TMEM63C: variants seen among roughly 807,000 people sequenced by gnomAD.
TMEM63C encodes the protein osmosensitive cation channel TMEM63C.
TMEM63C carries 32 observed loss-of-function variants against 99.2 expected under a neutral mutation model. The ratio of observed to expected loss-of-function variants is 0.32; its 90% confidence interval spans 0.24 to 0.43. TMEM63C has a LOEUF of 0.43. Ranked by LOEUF, TMEM63C falls within the 20% of genes least tolerant of loss-of-function variation. The pLI, the probability that TMEM63C is intolerant of heterozygous loss-of-function variation, is 1.00. For missense variants in TMEM63C, 826 were observed against 1,053.0 expected, an observed-to-expected ratio of 0.78 and a Z score of 2.98; for synonymous variants, 376 against 397.9, an observed-to-expected ratio of 0.94 and a Z score of 0.66.
chr14:77,191,145 A>T (rs1257644847), intron 1 of TMEM63C, among the ~76,000 whole-genome samples: 1 of 152,342 alleles, frequency 6.6e-6, no homozygotes, highest in East Asian at 1.9e-4. Flanking sequence ...AATAACCAGT[A>T]CTAAGTCTAA....
intron 1 of TMEM63C, among the ~76,000 whole-genome samples, chr14:77,183,900 T>C (rs955948158): frequency 6.6e-6 from 1 of 151,992 alleles, no homozygotes; most frequent in East Asian, 1.9e-4. Flanking sequence ...AACCACATGG[T>C]ATGTGTCCCT....
chr14:77,204,876 G>A (rs1199137351), intron 1 of TMEM63C, among the ~76,000 whole-genome samples: 2 of 152,206 alleles, frequency 1.3e-5, no homozygotes, highest in African/African-American at 4.8e-5. Flanking sequence ...AAGACATGGG[G>A]CTAGTAAGTA....
At chr14:77,248,202 G>A (rs1889296120) in intron 18 of TMEM63C, 145 bp from the exon 19 acceptor site, 3 of 713,078 alleles carry the variant, frequency 4.2e-6, no homozygotes, top group Non-Finnish European at 4.6e-6. Context: ...AAAAGAAAGA[G>A]AGGAAATGTT....
chr14:77,256,360 A>G (rs1691242720), intron 23 of TMEM63C, among the ~76,000 whole-genome samples, 166 bp from the exon 24 acceptor site: 1 of 152,200 alleles, frequency 6.6e-6, no homozygotes, highest in Non-Finnish European at 1.5e-5. Flanking sequence ...ATCAAGAACA[A>G]TTAGGTGGGT....
At chr14:77,217,216 C>A (rs1374547048) in intron 2 of TMEM63C, among the ~76,000 whole-genome samples, 5 of 152,154 alleles carry the variant, frequency 3.3e-5, no homozygotes, top group African/African-American at 1.2e-4. Context: ...CCCTGTGCAG[C>A]CCACTGGTCT....
intron 6 of TMEM63C, among the ~76,000 whole-genome samples, chr14:77,230,991 G>A (rs2140118192): frequency 6.6e-6 from 1 of 152,306 alleles, no homozygotes; most frequent in East Asian, 1.9e-4. Flanking sequence ...GAATTGCTGG[G>A]TCATAGAATG....
intron 1 of TMEM63C, among the ~76,000 whole-genome samples, chr14:77,186,082 G>T (rs1381646517): frequency 6.6e-6 from 1 of 151,918 alleles, no homozygotes; most frequent in Non-Finnish European, 1.5e-5. Context: ...CACTATCTCG[G>T]CTCACTGCAA....
intron 1 of TMEM63C, among the ~76,000 whole-genome samples, chr14:77,200,680 T>C (rs1430654258): frequency 6.6e-6 from 1 of 152,256 alleles, no homozygotes; most frequent in Non-Finnish European, 1.5e-5. Flanking sequence ...CCAGGGGACC[T>C]GAACTAGGCT....
At position 77,225,321 on chromosome 14, in the gene TMEM63C, G is replaced by A. The variant is rs745789410; in HGVS notation, c.313-103G>A. 1.0e-4 allele frequency: 104 copies of A among 1,014,666 alleles called. 1 individual carries two copies. The highest frequency in any genetic ancestry group is 8.2e-4 in the South Asian group (48 of 58,334). 62.9% of individuals were successfully genotyped at this position (1,014,666 alleles called of 1,614,324 possible). On this transcript the variant is annotated intron_variant, in intron 5 of 23. Transcript: ENST00000298351. Reference sequence around the variant, plus strand: ...TTTTCCCAGGAAGGAGGCCCCGGACGCTGCCGCGGCTGCCTCAGATGACCT... The same window carrying A: ...TTTTCCCAGGAAGGAGGCCCCGGACACTGCCGCGGCTGCCTCAGATGACCT...
chr14:77,259,317 C>G lies in TMEM63C; in HGVS notation c.*2591C>G, dbSNP rs1400007209. The G allele has an allele frequency of 1.3e-5, 2 of 152,572 alleles. No individual in the cohort carries two copies. The highest frequency in any genetic ancestry group is 2.4e-5 in the African/African-American group (1 of 41,474). 9.5% of individuals were successfully genotyped at this position (152,572 alleles called of 1,614,324 possible). On this transcript the variant is annotated 3_prime_UTR_variant, in exon 24 of 24. Transcript: ENST00000298351. ...TGGCCCCATGCCCACCTGCCTGACC[C>G]TCCACTGCCCCTGGAAGCAAAGTGC...
Position 77,186,801 on chromosome 14 carries a change from C to CTGTGTGTGTGTG in TMEM63C, c.-77+4915_-77+4926dup, listed in dbSNP as rs1240827650. 2.5e-3 allele frequency among the ~76,000 whole-genome samples: 365 copies of CTGTGTGTGTGTG among 146,474 alleles called. 4 individuals carry two copies. Among genetic ancestry groups the CTGTGTGTGTGTG allele is most frequent in the African/African-American group, 8.2e-3 (321 of 39,224 alleles). On this transcript the variant is annotated intron_variant, in intron 1 of 23. Coordinates refer to ENST00000298351, the MANE Select transcript of TMEM63C (RefSeq NM_020431.4). ...GGTGTGTGTGTGTGTGTGTGTGTGTCTGTGTGTGTGTGTGTGTGTCTGTGT... is the reference window on the plus strand; with the variant it reads ...GGTGTGTGTGTGTGTGTGTGTGTGTCTGTGTGTGTGTGTGTGTGTGTGTGTGTGTGTCTGTGT...
At chr14:77,251,459 G>T (rs576473710) in intron 21 of TMEM63C, among the ~76,000 whole-genome samples, 1 of 152,134 alleles carries the variant, frequency 6.6e-6, no homozygotes, top group Admixed American at 6.5e-5. Flanking sequence ...GGCGTTGGGG[G>T]CACTGGCAGA....
At chr14:77,219,110 G>T in intron 3 of TMEM63C, 147 bp downstream of exon 3, 1 of 914,802 alleles carries the variant, frequency 1.1e-6, no homozygotes, top group Non-Finnish European at 1.6e-6. Context: ...GCCTAGGGTG[G>T]CCCCGGTAGG....
intron 21 of TMEM63C, among the ~76,000 whole-genome samples, chr14:77,250,059 T>A (rs1316348046): frequency 6.6e-6 from 1 of 152,176 alleles, no homozygotes; most frequent in Non-Finnish European, 1.5e-5. Context: ...GGTCTGGAAT[T>A]TCTGGGCTAA....
chr14:77,228,053 C>G (rs1328664987), intron 6 of TMEM63C, among the ~76,000 whole-genome samples: 2 of 151,618 alleles, frequency 1.3e-5, no homozygotes, highest in Non-Finnish European at 2.9e-5. Flanking sequence ...AGGAGGATGC[C>G]GAAGATGAGA....
intron 1 of TMEM63C, among the ~76,000 whole-genome samples, chr14:77,200,216 C>T (rs1373634356): frequency 6.6e-6 from 1 of 152,204 alleles, no homozygotes; most frequent in African/African-American, 2.4e-5. Flanking sequence ...GGAGCAAGTT[C>T]AGAGGAGGCT....
intron 5 of TMEM63C, among the ~76,000 whole-genome samples, chr14:77,223,664 C>T (rs1253813455): frequency 6.6e-6 from 1 of 151,908 alleles, no homozygotes; most frequent in African/African-American, 2.4e-5. Context: ...TGTGCACACA[C>T]ACATGAGAGA....
chr14:77,191,481 A>G (rs372360687), intron 1 of TMEM63C, among the ~76,000 whole-genome samples: 1 of 140,242 alleles, frequency 7.1e-6, no homozygotes, highest in Non-Finnish European at 1.5e-5. Flanking sequence ...ATTGGTCTAT[A>G]GTGTTGCTCA....
chr14:77,211,366 A>C (rs1508299), intron 1 of TMEM63C, among the ~76,000 whole-genome samples: 5,447 of 152,306 alleles, frequency 0.036, 174 homozygotes, highest in African/African-American at 0.086. Context: ...TTTCTCTTGC[A>C]TTTAGGGATG....
Sources: allele counts gnomAD v4.1 joint callset (sites outside exome capture counted in the v4.1 genomes callset), GRCh38; gene constraint gnomAD v4.1.1; transcripts MANE v1.5; gene names NCBI Gene and HGNC (gene_info 2026-07-23, HGNC 2026-07-21).